Variants in PRELID2 observed in about 807,000 individuals in gnomAD.
PRELID2 encodes PRELI domain containing 2.
Under a neutral mutation model 28.4 loss-of-function variants are expected in PRELID2, and 25 were observed. That is an observed-to-expected ratio of 0.88 (90% CI 0.64 to 1.23). PRELID2 has a LOEUF of 1.23. PRELID2 is among the 50% of genes most tolerant of loss of function. PRELID2 has a pLI of 0.00. For synonymous variants in PRELID2, 76 were observed against 71.6 expected (o/e 1.06, Z -0.31); for missense variants, 201 against 214.4 (o/e 0.94, Z 0.39).
At chr5:145,249,449 C>A in the PRELID2 span, among the ~76,000 whole-genome samples, 2 of 152,118 alleles carry the variant, frequency 1.3e-5, no homozygotes, top group Non-Finnish European at 1.5e-5. Flanking sequence ...GAGGATTGGA[C>A]AATGGACTGT....
Position 145,715,784 on chromosome 5 carries a change from T to C in PRELID2, n.70+49147A>G, listed in dbSNP as rs1393343544. Among the ~76,000 whole-genome samples, 4 of 152,362 alleles carry C rather than the reference T, an allele frequency of 2.6e-5. No individual in the cohort carries two copies. In the East Asian group the frequency reaches 7.7e-4, roughly 29 times the overall value. On this transcript the variant is annotated intron_variant and non_coding_transcript_variant, in intron 1 of 2. Transcript: ENST00000510259. The stretch of plus-strand genomic sequence containing the variant: ...CCATGGATGGCTTCTTCTTGTCATT[T>C]AGGCCCAGTAGATAAACTGTTACTT...
At chr5:145,749,181 G>C (rs1757068101) in intron 1 of PRELID2, among the ~76,000 whole-genome samples, 1 of 152,100 alleles carries the variant, frequency 6.6e-6, no homozygotes, top group Admixed American at 6.6e-5. Context: ...GAGTGAAGAG[G>C]CAACCTGCAA....
chr5:145,363,972 T>C, the PRELID2 span, among the ~76,000 whole-genome samples: 7 of 152,022 alleles, frequency 4.6e-5, no homozygotes, highest in Non-Finnish European at 4.4e-5. Context: ...TTGTACGCTA[T>C]TGCTACATTT....
intron 1 of PRELID2, among the ~76,000 whole-genome samples, chr5:145,739,594 G>C (rs1306725851): frequency 1.3e-5 from 2 of 151,724 alleles, no homozygotes; most frequent in African/African-American, 2.4e-5. Context: ...TTCTCTTCTT[G>C]AGTCTTCTAA....
At chr5:145,705,555 T>C (rs1027156571) in intron 1 of PRELID2, among the ~76,000 whole-genome samples, 2 of 152,152 alleles carry the variant, frequency 1.3e-5, no homozygotes, top group Non-Finnish European at 2.9e-5. Context: ...ATGATATTTA[T>C]TGACATAGAA....
chr5:145,802,091 A>C (rs892033893), intron 4 of PRELID2, among the ~76,000 whole-genome samples: 1 of 152,170 alleles, frequency 6.6e-6, no homozygotes, highest in African/African-American at 2.4e-5. Context: ...GCTCAGTCTT[A>C]TGTGTATAAG....
At chr5:145,399,562 G>A in the PRELID2 span, among the ~76,000 whole-genome samples, 1 of 151,834 alleles carries the variant, frequency 6.6e-6, no homozygotes, top group Non-Finnish European at 1.5e-5. Context: ...TGGTACAATG[G>A]ACCATTTACC....
At chr5:145,359,235 G>A in the PRELID2 span, among the ~76,000 whole-genome samples, 1 of 152,118 alleles carries the variant, frequency 6.6e-6, no homozygotes, top group Admixed American at 6.5e-5. Context: ...ACAACTAGAG[G>A]TTAGCATAAT....
intron 1 of PRELID2, among the ~76,000 whole-genome samples, chr5:145,610,786 AG>A (rs1479506384): frequency 1.3e-5 from 2 of 152,138 alleles, no homozygotes; most frequent in Non-Finnish European, 2.9e-5. Context: ...TCAGAATAGA[AG>A]GATCTTGTTT....
the PRELID2 span, among the ~76,000 whole-genome samples, chr5:145,262,531 C>T: frequency 6.6e-6 from 1 of 152,104 alleles, no homozygotes; most frequent in African/African-American, 2.4e-5. Context: ...GGGGTCCTAT[C>T]TTTTGCCTCC....
At chr5:145,640,272 G>T (rs1353966016) in intron 1 of PRELID2, among the ~76,000 whole-genome samples, 1 of 151,942 alleles carries the variant, frequency 6.6e-6, no homozygotes, top group Non-Finnish European at 1.5e-5. Flanking sequence ...GGATCACGAG[G>T]TCAGGAGATC....
At chr5:145,326,354 T>C in the PRELID2 span, among the ~76,000 whole-genome samples, 104 of 152,224 alleles carry the variant, frequency 6.8e-4, no homozygotes, top group Non-Finnish European at 1.3e-3. Context: ...CAACGTGATT[T>C]CAATAAAAAG....
intron 1 of PRELID2, among the ~76,000 whole-genome samples, chr5:145,716,541 T>G (rs1561555590): frequency 6.6e-6 from 1 of 152,176 alleles, no homozygotes; most frequent in Non-Finnish European, 1.5e-5. Context: ...TAAAGACATT[T>G]TGAAAACATA....
At chr5:145,301,334 T>G in the PRELID2 span, among the ~76,000 whole-genome samples, 1 of 152,180 alleles carries the variant, frequency 6.6e-6, no homozygotes, top group Non-Finnish European at 1.5e-5. Flanking sequence ...TTTTGTGAAG[T>G]GTCTGTTCAA....
chr5:145,572,796 C>A (rs1487173181), intron 1 of PRELID2, among the ~76,000 whole-genome samples: 3 of 152,136 alleles, frequency 2.0e-5, no homozygotes, highest in Non-Finnish European at 4.4e-5. Flanking sequence ...AGTGTAATTG[C>A]TCTGAGTGAG....
chr5:145,480,012 C>A (rs925654849), intron 1 of PRELID2, among the ~76,000 whole-genome samples: 1 of 152,098 alleles, frequency 6.6e-6, no homozygotes, highest in African/African-American at 2.4e-5. Context: ...ATTTCCTTTC[C>A]AGCTTTTTAA....
chr5:145,803,881 C>G (rs865799880), intron 4 of PRELID2, among the ~76,000 whole-genome samples: 4 of 151,938 alleles, frequency 2.6e-5, no homozygotes, highest in Non-Finnish European at 4.4e-5. Context: ...AGGGAATGAA[C>G]CCCTTCCCCA....
the PRELID2 span, among the ~76,000 whole-genome samples, chr5:145,363,486 A>T: frequency 6.6e-6 from 1 of 152,060 alleles, no homozygotes; most frequent in Admixed American, 6.6e-5. Context: ...AAAGCCCATA[A>T]GTCTCATTTA....
intron 1 of PRELID2, chr5:145,729,033 G>A (rs1561560973): frequency 4.5e-6 from 3 of 665,718 alleles, no homozygotes; most frequent in Non-Finnish European, 8.1e-6. Context: ...GGGAGATAAT[G>A]TGAAATACTA....
Sources: gnomAD v4.1 joint callset for allele counts (sites outside exome capture counted in the v4.1 genomes callset) on GRCh38, gnomAD v4.1.1 for gene constraint, MANE v1.5 for transcripts, NCBI Gene and HGNC (gene_info 2026-07-23, HGNC 2026-07-21) for gene names.